MTUS2: variants seen among roughly 807,000 people sequenced by gnomAD.
The protein encoded by MTUS2 is microtubule associated scaffold protein 2.
MTUS2 carries 40 observed loss-of-function variants against 114.1 expected under a neutral mutation model. That is an observed-to-expected ratio of 0.35 (90% CI 0.27 to 0.46). The LOEUF is 0.46. MTUS2 is among the 20% of genes least tolerant of loss of function. MTUS2 has a pLI of 1.00. For synonymous variants in MTUS2, 688 were observed against 672.0 expected, an observed-to-expected ratio of 1.02 and a Z score of -0.37; for missense variants, 1,679 against 1,705.4, an observed-to-expected ratio of 0.98 and a Z score of 0.27.
At chr13:29,491,436 T>G in intron 11 of MTUS2, among the ~76,000 whole-genome samples, 1 of 146,832 alleles carries the variant, frequency 6.8e-6, no homozygotes, top group African/African-American at 2.5e-5. Context: ...GTGTGTGGTG[T>G]GTGTGTAGTG....
rs1363816415 is a variant in MTUS2, at chr13:29,347,026, G to A, written c.2906-12236G>A. On this transcript the variant is annotated intron_variant, in intron 7 of 15. Transcript: ENST00000612955. ...AGTTTGTCAGTGTGTCATGGAGCCC[G>A]CAGCCACAAGCCACCTCTTTCAAAG... Among the ~76,000 whole-genome samples, 14 of 151,410 alleles carry A rather than the reference G, an allele frequency of 9.2e-5. No individual in the cohort carries two copies. In the East Asian group the frequency reaches 1.6e-3, roughly 17 times the overall value.
At chr13:29,469,626 CAAAA>C (rs768631653) in intron 9 of MTUS2, among the ~76,000 whole-genome samples, 129 of 117,798 alleles carry the variant, frequency 1.1e-3, no homozygotes, top group African/African-American at 4.2e-3. Context: ...GACTATGTCT[CAAAA>C]AAAAAAAAAA....
At chr13:29,439,939 G>A in intron 8 of MTUS2, 44 bp from the exon 9 acceptor site, 4 of 1,438,024 alleles carry the variant, frequency 2.8e-6, no homozygotes, top group Non-Finnish European at 3.8e-6. Context: ...TGCTTATCTA[G>A]CATAAAACTA....
At chr13:29,157,815 T>C (rs200896153) in intron 5 of MTUS2, among the ~76,000 whole-genome samples, 10 of 114,890 alleles carry the variant, frequency 8.7e-5, no homozygotes, top group Non-Finnish European at 1.6e-4. Context: ...GATACAGATA[T>C]AGATGTAGAT....
At chr13:29,137,579 T>C (rs567797533) in intron 5 of MTUS2, among the ~76,000 whole-genome samples, 16 of 152,068 alleles carry the variant, frequency 1.1e-4, no homozygotes, top group African/African-American at 3.6e-4. Context: ...TCTTTCTTCT[T>C]CTTTCTTCTT....
intron 8 of MTUS2, among the ~76,000 whole-genome samples, chr13:29,403,583 G>A (rs1017756800): frequency 1.3e-5 from 2 of 152,256 alleles, no homozygotes; most frequent in Middle Eastern, 3.4e-3. Flanking sequence ...CCAATTAGTC[G>A]AAGGCCCTAA....
chr13:29,236,286 A>G (rs181123293), intron 5 of MTUS2, among the ~76,000 whole-genome samples: 3 of 152,202 alleles, frequency 2.0e-5, no homozygotes, highest in African/African-American at 7.2e-5. Context: ...GGTATATTTT[A>G]CTCAATATTG....
intron 5 of MTUS2, among the ~76,000 whole-genome samples, chr13:29,208,518 G>C (rs1895290141): frequency 6.6e-6 from 1 of 151,732 alleles, no homozygotes; most frequent in Admixed American, 6.6e-5. Flanking sequence ...TTCTCGAGTT[G>C]TGACCTCAGA....
chr13:29,491,919 G>C (rs997865878), intron 11 of MTUS2, among the ~76,000 whole-genome samples: 1 of 142,278 alleles, frequency 7.0e-6, no homozygotes, highest in South Asian at 2.3e-4. Flanking sequence ...GTGTGTATGT[G>C]ATGTGTGTGT....
At chr13:29,229,955 C>T (rs781383223) in intron 5 of MTUS2, among the ~76,000 whole-genome samples, 11 of 152,120 alleles carry the variant, frequency 7.2e-5, no homozygotes, top group Non-Finnish European at 1.5e-4. Flanking sequence ...TTAAAAATTA[C>T]CAAGTATTGG....
At chr13:29,051,779 G>A (rs1172590114) in intron 4 of MTUS2, among the ~76,000 whole-genome samples, 1 of 152,200 alleles carries the variant, frequency 6.6e-6, no homozygotes, top group Non-Finnish European at 1.5e-5. Context: ...AACACTTTAA[G>A]TGGAGTCATG....
intron 5 of MTUS2, among the ~76,000 whole-genome samples, chr13:29,197,056 A>AT (rs1306817884): frequency 2.6e-5 from 4 of 151,904 alleles, no homozygotes; most frequent in African/African-American, 4.8e-5. Flanking sequence ...TGGGTGTACA[A>AT]TTTTTTTTAT....
At chr13:28,852,204 G>A (rs1876322508) in intron 2 of MTUS2, among the ~76,000 whole-genome samples, 1 of 152,110 alleles carries the variant, frequency 6.6e-6, no homozygotes, top group African/African-American at 2.4e-5. Flanking sequence ...ACTATCTGGT[G>A]CCCCTCTGTG....
At chr13:29,203,616 C>T (rs1895055965) in intron 5 of MTUS2, among the ~76,000 whole-genome samples, 1 of 150,844 alleles carries the variant, frequency 6.6e-6, no homozygotes, top group South Asian at 2.1e-4. Context: ...CAAATGGCTG[C>T]ACAATTTTGT....
intron 2 of MTUS2, among the ~76,000 whole-genome samples, chr13:28,916,169 T>C (rs1481329972): frequency 6.6e-6 from 1 of 151,962 alleles, no homozygotes; most frequent in Non-Finnish European, 1.5e-5. Flanking sequence ...TCTGTTTTTA[T>C]GCCAGTAACA....
chr13:28,994,354 A>G (rs565970766), intron 2 of MTUS2, among the ~76,000 whole-genome samples: 169 of 152,336 alleles, frequency 1.1e-3, no homozygotes, highest in African/African-American at 3.8e-3. Flanking sequence ...TAGTGCTGCA[A>G]TAAACATACG....
chr13:29,181,539 G>C (rs1264059098), intron 5 of MTUS2, among the ~76,000 whole-genome samples: 1 of 152,172 alleles, frequency 6.6e-6, no homozygotes, highest in East Asian at 1.9e-4. Context: ...TCAGAGAAAT[G>C]GTTCTGGGGC....
At chr13:29,433,386 A>G (rs4594093) in intron 8 of MTUS2, among the ~76,000 whole-genome samples, 120,726 of 152,186 alleles carry the variant, frequency 0.79, 48,274 homozygotes, top group Middle Eastern at 0.86. Context: ...TGACAAGCCT[A>G]TATGAAATTT....
intron 5 of MTUS2, among the ~76,000 whole-genome samples, chr13:29,264,475 T>C (rs189503653): frequency 1.2e-3 from 176 of 152,360 alleles, no homozygotes; most frequent in Admixed American, 1.6e-3. Context: ...GTGTGGATGC[T>C]CCAACCCCAC....
Sources: allele counts gnomAD v4.1 joint callset (sites outside exome capture counted in the v4.1 genomes callset), GRCh38; gene constraint gnomAD v4.1.1; transcripts MANE v1.5; gene names NCBI Gene and HGNC (gene_info 2026-07-23, HGNC 2026-07-21).